Variants in HDAC4 observed in about 807,000 individuals in gnomAD.
HDAC4 encodes the protein histone deacetylase A.
In HDAC4, 16 loss-of-function variants were observed where a neutral mutation model predicts 135.1. The observed-to-expected ratio is 0.12, with a 90% CI of 0.08 to 0.18. HDAC4 has a LOEUF of 0.18. HDAC4 is among the 10% of genes least tolerant of loss of function. The probability of loss-of-function intolerance (pLI) is 1.00; values close to 1 mark genes in which losing one functional copy is unlikely to be tolerated. For missense variants in HDAC4, 1,143 were observed against 1,511.8 expected (o/e 0.76, Z 4.05); for synonymous variants, 685 against 653.4 (o/e 1.05, Z -0.74).
At chr2:239,138,157 A>G (rs768886208) in intron 9 of HDAC4, among the ~76,000 whole-genome samples, 5 of 152,240 alleles carry the variant, frequency 3.3e-5, no homozygotes, top group African/African-American at 7.2e-5. Context: ...ACAGCCATAC[A>G]GAGGACTGTT....
chr2:239,062,259 C>T (rs917582750), intron 24 of HDAC4, among the ~76,000 whole-genome samples: 1 of 152,294 alleles, frequency 6.6e-6, no homozygotes, highest in East Asian at 1.9e-4. Flanking sequence ...ACGCCAAGGC[C>T]CCTCTGCGCT....
intron 2 of HDAC4, among the ~76,000 whole-genome samples, chr2:239,244,698 C>T (rs1219718115): frequency 6.6e-6 from 1 of 152,154 alleles, no homozygotes; most frequent in Non-Finnish European, 1.5e-5. Context: ...ACCTGAACCC[C>T]CAGAGGGGTC....
chr2:239,275,468 T>C (rs955445316), intron 2 of HDAC4, among the ~76,000 whole-genome samples: 2 of 152,184 alleles, frequency 1.3e-5, no homozygotes, highest in African/African-American at 4.8e-5. Flanking sequence ...CTATCATGTA[T>C]GCACACGGAG....
At chr2:239,295,083 G>A (rs1205429698) in intron 2 of HDAC4, among the ~76,000 whole-genome samples, 5 of 151,930 alleles carry the variant, frequency 3.3e-5, no homozygotes, top group African/African-American at 4.8e-5. Context: ...CGAGGCGGGC[G>A]GATCACGAGG....
chr2:239,343,035 C>T (rs1237240047), intron 2 of HDAC4, among the ~76,000 whole-genome samples: 2 of 152,208 alleles, frequency 1.3e-5, no homozygotes, highest in East Asian at 1.9e-4. Flanking sequence ...CCAAGGCCTC[C>T]ATCCCCACCA....
chr2:239,105,713 C>T (rs1034211021), intron 15 of HDAC4, among the ~76,000 whole-genome samples: 10 of 152,200 alleles, frequency 6.6e-5, no homozygotes, highest in Non-Finnish European at 8.8e-5. Flanking sequence ...TTCGGTCTTG[C>T]TGTGGCCTCC....
chr2:239,235,277 CG>C (rs2047821987), intron 3 of HDAC4, among the ~76,000 whole-genome samples: 2 of 152,046 alleles, frequency 1.3e-5, no homozygotes, highest in South Asian at 4.1e-4. Context: ...TCCAGAACTC[CG>C]GGTTTGGAAA....
intron 13 of HDAC4, among the ~76,000 whole-genome samples, chr2:239,113,875 T>A (rs1488704488): frequency 6.6e-6 from 1 of 152,040 alleles, no homozygotes; most frequent in East Asian, 1.9e-4. Flanking sequence ...GGCTTTGTAG[T>A]GTTTAGTGCC....
At chr2:239,399,930 G>T (rs1055327542) in intron 1 of HDAC4, among the ~76,000 whole-genome samples, 1 of 152,234 alleles carries the variant, frequency 6.6e-6, no homozygotes, top group Non-Finnish European at 1.5e-5. Context: ...ACTCATATCA[G>T]CTGCCTCAAG....
intron 3 of HDAC4, among the ~76,000 whole-genome samples, chr2:239,235,741 T>A (rs934113311): frequency 1.1e-4 from 16 of 152,290 alleles, no homozygotes; most frequent in African/African-American, 3.8e-4. Context: ...TGGAGTACCT[T>A]AAAATGTTAC....
chr2:239,173,455 C>G (rs139862287), intron 5 of HDAC4, among the ~76,000 whole-genome samples: 1,846 of 152,260 alleles, frequency 0.012, 36 homozygotes, highest in African/African-American at 0.042. Flanking sequence ...AAATCAATAT[C>G]CATTCATATT....
At chr2:239,288,993 G>C (rs2051303850) in intron 2 of HDAC4, among the ~76,000 whole-genome samples, 1 of 152,246 alleles carries the variant, frequency 6.6e-6, no homozygotes, top group African/African-American at 2.4e-5. Context: ...GGCTGAGACA[G>C]GGGAGTGCGG....
At chr2:239,059,328 C>G (rs998317946) in intron 24 of HDAC4, among the ~76,000 whole-genome samples, 3 of 152,072 alleles carry the variant, frequency 2.0e-5, no homozygotes, top group Admixed American at 2.0e-4. Flanking sequence ...GGAAAGCAGA[C>G]AAATTCTGAA....
At chr2:239,197,598 T>A (rs867562748) in intron 3 of HDAC4, among the ~76,000 whole-genome samples, 2 of 152,170 alleles carry the variant, frequency 1.3e-5, no homozygotes, top group African/African-American at 4.8e-5. Flanking sequence ...GTCTTTTCCA[T>A]CCTCCCTGTT....
chr2:239,288,554 T>C (rs921329593), intron 2 of HDAC4, among the ~76,000 whole-genome samples: 12 of 151,698 alleles, frequency 7.9e-5, no homozygotes, highest in Non-Finnish European at 1.5e-4. Context: ...CTGAAGAATT[T>C]ACAGAAAAAA....
chr2:239,344,860 T>C (rs1282482122), intron 2 of HDAC4, among the ~76,000 whole-genome samples: 1 of 152,152 alleles, frequency 6.6e-6, no homozygotes, highest in East Asian at 1.9e-4. Context: ...AAACCTCCAG[T>C]TGATGTAGGG....
chr2:239,212,868 C>T (rs527612977), intron 3 of HDAC4, among the ~76,000 whole-genome samples: 16 of 152,326 alleles, frequency 1.1e-4, no homozygotes, highest in African/African-American at 3.8e-4. Flanking sequence ...ATGCCCCGCC[C>T]AGCTTGTTAG....
At chr2:239,177,347 C>G (rs1025659616) in intron 4 of HDAC4, among the ~76,000 whole-genome samples, 11 of 152,204 alleles carry the variant, frequency 7.2e-5, no homozygotes, top group Admixed American at 5.9e-4. Flanking sequence ...TCTCCAGGCT[C>G]TGATCCTCCG....
chr2:239,325,702 C>T (rs10188303), intron 2 of HDAC4, among the ~76,000 whole-genome samples: 3 of 152,128 alleles, frequency 2.0e-5, no homozygotes, highest in East Asian at 1.9e-4. Flanking sequence ...TGGTGGCTCA[C>T]GCCTGTAATC....
Sources: allele counts gnomAD v4.1 joint callset (sites outside exome capture counted in the v4.1 genomes callset), GRCh38; gene constraint gnomAD v4.1.1; transcripts MANE v1.5; gene names NCBI Gene and HGNC (gene_info 2026-07-23, HGNC 2026-07-21).